TRPM5: variants seen among roughly 807,000 people sequenced by gnomAD.
The protein encoded by TRPM5 is transient receptor potential cation channel subfamily M member 5.
A neutral mutation model predicts 124.9 loss-of-function variants in TRPM5; 121 were observed. The observed-to-expected ratio is 0.97, with a 90% confidence interval of 0.84 to 1.13. The LOEUF is 1.13. TRPM5 is among the 50% of genes most tolerant of loss of function. The probability of loss-of-function intolerance (pLI) is 0.00; values close to 1 mark genes in which losing one functional copy is unlikely to be tolerated. For missense variants in TRPM5, 1,643 were observed against 1,589.1 expected (o/e 1.03, Z -0.58); for synonymous variants, 781 against 700.5 (o/e 1.11, Z -1.81).
At chr11:2,437,188 C>T in the TRPM5 span, among the ~76,000 whole-genome samples, 1 of 152,260 alleles carries the variant, frequency 6.6e-6, no homozygotes, top group Admixed American at 6.5e-5. This position sits in a 1 kb window ranked among gnomAD's most constrained non-coding sequence, Gnocchi z 5.6. Flanking sequence ...CCTACACATA[C>T]TTGCACACAT....
At chr11:2,412,338 A>AGGATCAGGGTTCAGCGTGCCATGG (rs60397029) in intron 15 of TRPM5, 85 bp from the exon 21 acceptor site, 204,435 of 1,018,096 alleles carry the variant, frequency 0.2, 27,620 homozygotes, top group African/African-American at 0.44. Context: ...TGGATCTGTA[A>AGGATCAGGGTTCAGCGTGCCATGG]GGATCAGGGT....
chr11:2,414,009 G>GGGCGGCGCCCCCCCCCCC, intron 12 of TRPM5, 52 bp downstream of exon 17: 1 of 1,023,734 alleles, frequency 9.8e-7, no homozygotes, highest in Non-Finnish European at 1.4e-6. Flanking sequence ...GGCCCAGCTC[G>GGGCGGCGCCCCCCCCCCC]CCCGCCCACC....
chr11:2,427,052 C>T (rs900587286), upstream of TRPM5, among the ~76,000 whole-genome samples: 1 of 152,212 alleles, frequency 6.6e-6, no homozygotes, highest in South Asian at 2.1e-4. Context: ...GGGGCTGGCC[C>T]TCCTGCCCAG....
chr11:2,426,979 C>T (rs934555992), upstream of TRPM5, among the ~76,000 whole-genome samples: 20 of 152,350 alleles, frequency 1.3e-4, no homozygotes, highest in Admixed American at 5.2e-4. Context: ...GCTTCTGAGC[C>T]GCACCTGCCT....
At chr11:2,413,799 T>C (rs976606936) in intron 12 of TRPM5, among the ~76,000 whole-genome samples, 2 of 151,918 alleles carry the variant, frequency 1.3e-5, no homozygotes, top group African/African-American at 4.8e-5. Context: ...TACCCTTCAC[T>C]AGGGAAAAGA....
exon 16 of TRPM5, chr11:2,412,219 T>C (rs1850467309): frequency 4.3e-6 from 7 of 1,613,456 alleles, no homozygotes; most frequent in South Asian, 1.1e-5. Flanking sequence ...TGTGAACTTC[T>C]TCACCAGGTG....
chr11:2,421,043 C>G (rs1295779829), exon 3 of TRPM5: 3 of 1,543,960 alleles, frequency 1.9e-6, no homozygotes, highest in East Asian at 2.5e-5. Flanking sequence ...TGGGCCTCCT[C>G]CAGAATGCGG....
chr11:2,425,505 C>T (rs528628223), upstream of TRPM5, among the ~76,000 whole-genome samples: 5 of 152,350 alleles, frequency 3.3e-5, no homozygotes, highest in Admixed American at 2.0e-4. Context: ...CACTTCCAAA[C>T]GAGGTCATAT....
At chr11:2,430,785 ATGG>A in the TRPM5 span, among the ~76,000 whole-genome samples, 93 of 42,004 alleles carry the variant, frequency 2.2e-3, no homozygotes, top group African/African-American at 8.7e-3. Context: ...GGTGGTGTTG[ATGG>A]TGGTGGTGGT....
At chr11:2,406,881 A>C in intron 20 of TRPM5, 88 bp from the exon 26 acceptor site, 3 of 1,519,668 alleles carry the variant, frequency 2.0e-6, no homozygotes, top group Non-Finnish European at 2.6e-6. Context: ...GAGGTGGGCC[A>C]GGCAGAAGGA....
At chr11:2,405,785 C>T (rs1462272876) in intron 22 of TRPM5, among the ~76,000 whole-genome samples, 192 bp from the exon 28 acceptor site, 1 of 152,112 alleles carries the variant, frequency 6.6e-6, no homozygotes, top group Non-Finnish European at 1.5e-5. Flanking sequence ...GAGGGGTCTT[C>T]AATGTGAGAC....
chr11:2,408,063 C>T (rs995586915), intron 18 of TRPM5, 151 bp from the exon 24 acceptor site: 12 of 1,072,124 alleles, frequency 1.1e-5, no homozygotes, highest in Admixed American at 5.6e-5. Context: ...TCACCCAGGG[C>T]GGCCTGGGTT....
At chr11:2,440,355 C>A in the TRPM5 span, among the ~76,000 whole-genome samples, 4 of 152,164 alleles carry the variant, frequency 2.6e-5, no homozygotes, top group African/African-American at 9.7e-5. The surrounding 1 kb of genome is among the most constrained non-coding windows in gnomAD (Gnocchi z 5.2). Context: ...TGGGGTGATG[C>A]CTTACAGATG....
the TRPM5 span, among the ~76,000 whole-genome samples, chr11:2,428,574 G>A: frequency 6.6e-6 from 1 of 152,170 alleles, no homozygotes; most frequent in East Asian, 1.9e-4. This position sits in a 1 kb window ranked among gnomAD's most constrained non-coding sequence, Gnocchi z 4.0. Flanking sequence ...TGGTGGCGGT[G>A]GTGGTGATGG....
the TRPM5 span, among the ~76,000 whole-genome samples, chr11:2,432,974 T>C: frequency 6.6e-6 from 1 of 152,204 alleles, no homozygotes; most frequent in Non-Finnish European, 1.5e-5. Flanking sequence ...TCCGGGCAGA[T>C]CCTGAGTGCC....
chr11:2,407,422 T>C, intron 19 of TRPM5, 122 bp from the exon 25 acceptor site: 1 of 986,466 alleles, frequency 1.0e-6, no homozygotes, highest in South Asian at 1.5e-5. Flanking sequence ...GCACTGCTTC[T>C]GCGTTGCCTC....
exon 19 of TRPM5, chr11:2,407,823 G>A (rs755510591): frequency 1.4e-5 from 23 of 1,613,856 alleles, no homozygotes; most frequent in Non-Finnish European, 1.7e-5. Flanking sequence ...GTGACCAGCA[G>A]GAGGATGACC....
chr11:2,407,390 C>T (rs1565006388), intron 19 of TRPM5, 90 bp from the exon 25 acceptor site: 1 of 1,333,988 alleles, frequency 7.5e-7, no homozygotes. Context: ...TGTTGGGGAG[C>T]CCTTTTTGAA....
At chr11:2,409,081 C>G (rs1254891471) in intron 18 of TRPM5, among the ~76,000 whole-genome samples, 1 of 151,174 alleles carries the variant, frequency 6.6e-6, no homozygotes, top group Non-Finnish European at 1.5e-5. Flanking sequence ...TCCGTTCTCC[C>G]TCCTAGGGTG....
Sources: allele counts gnomAD v4.1 joint callset (sites outside exome capture counted in the v4.1 genomes callset), GRCh38; gene constraint gnomAD v4.1.1; non-coding constraint Gnocchi (gnomAD v3.1); transcripts MANE v1.5; gene names NCBI Gene and HGNC (gene_info 2026-07-23, HGNC 2026-07-21).